Variants in NTRK2 observed in about 807,000 individuals in gnomAD.
The protein encoded by NTRK2 is BDNF/NT-3 growth factors receptor.
In NTRK2, 13 loss-of-function variants were observed where a neutral mutation model predicts 94.5. The ratio of observed to expected loss-of-function variants is 0.14; its 90% confidence interval spans 0.09 to 0.22. The LOEUF is 0.22. Ranked by LOEUF, NTRK2 falls within the 10% of genes least tolerant of loss-of-function variation. NTRK2 has a pLI of 1.00. For missense variants in NTRK2, 639 were observed against 1,071.2 expected (o/e 0.60, Z 5.63); for synonymous variants, 372 against 407.4 (o/e 0.91, Z 1.05).
At chr9:84,933,107 T>C (rs2078095899) in intron 14 of NTRK2, among the ~76,000 whole-genome samples, 1 of 152,162 alleles carries the variant, frequency 6.6e-6, no homozygotes, top group African/African-American at 2.4e-5. Context: ...GAGAATATAG[T>C]TGGCCACACA....
At chr9:84,990,979 G>A (rs1364571723) in intron 17 of NTRK2, among the ~76,000 whole-genome samples, 2 of 151,994 alleles carry the variant, frequency 1.3e-5, no homozygotes, top group Non-Finnish European at 1.5e-5. Flanking sequence ...CTGTTGGCCC[G>A]GCATCTTTCC....
intron 14 of NTRK2, among the ~76,000 whole-genome samples, chr9:84,884,286 C>G (rs1197332653): frequency 6.6e-6 from 1 of 152,150 alleles, no homozygotes; most frequent in Non-Finnish European, 1.5e-5. Flanking sequence ...ATAATATAAC[C>G]TGCTCTTATA....
intron 14 of NTRK2, among the ~76,000 whole-genome samples, chr9:84,904,075 T>C (rs1281043218): frequency 3.9e-5 from 6 of 152,226 alleles, no homozygotes; most frequent in Non-Finnish European, 7.3e-5. Flanking sequence ...GATTATTTTT[T>C]CCTACCCTGT....
chr9:85,021,314 G>T lies in NTRK2; in HGVS notation c.2394G>T (p.Val798=). The part of the protein sequence containing the change: ...LQRPRTCPQE[V]YELMLGCWQR... ...GACCCCGCACGTGCCCCCAGGAGGT[G>T]TATGAGCTGATGCTGGGGTGCTGGC... The change falls in exon 19 of 19, where the codon GTG becomes GTT. Residue 798 remains valine, a synonymous_variant. Transcript: ENST00000277120. The T allele has an allele frequency of 1.2e-6, 2 of 1,614,172 alleles. No individual in the cohort carries two copies. Among genetic ancestry groups the T allele is most frequent in the South Asian group, 2.2e-5 (2 of 91,078 alleles).
chr9:84,990,921 A>T (rs563905044), intron 17 of NTRK2, among the ~76,000 whole-genome samples: 1 of 151,844 alleles, frequency 6.6e-6, no homozygotes, highest in East Asian at 1.9e-4. Flanking sequence ...TGTCAATTGC[A>T]TTTTTGTCCT....
chr9:84,825,471 C>T (rs1024041155), intron 12 of NTRK2, among the ~76,000 whole-genome samples: 1 of 152,174 alleles, frequency 6.6e-6, no homozygotes, highest in African/African-American at 2.4e-5. Flanking sequence ...GTTTGACCCT[C>T]TTCCTCCCAC....
At chr9:84,937,406 C>T (rs1466806792) in intron 15 of NTRK2, among the ~76,000 whole-genome samples, 3 of 152,142 alleles carry the variant, frequency 2.0e-5, no homozygotes, top group South Asian at 2.1e-4. Context: ...TAAGGCTTTA[C>T]GTTCAGATTG....
chr9:84,669,985 C>T lies in NTRK2; in HGVS notation c.-373+97C>T, dbSNP rs2058598152. 1 of 154,256 alleles carries T rather than the reference C, an allele frequency of 6.5e-6. No individual in the cohort carries two copies. The highest frequency in any genetic ancestry group is 1.4e-5 in the Non-Finnish European group (1 of 69,200). The allele number at this position is 154,256 out of a possible 1,614,324, so 9.6% of individuals were successfully genotyped here. A position where few individuals can be genotyped will look rare whatever the true frequency, so the allele number is the denominator to read the frequency against. On this transcript the variant is annotated intron_variant, in intron 1 of 18. Coordinates refer to ENST00000277120, the MANE Select transcript of NTRK2 (RefSeq NM_006180.6). The surrounding 1 kb of genome is among the most constrained non-coding windows in gnomAD (Gnocchi z 4.1). Reference sequence around the variant, plus strand: ...CCCCAGGTGGGACGTGCCGCGCCACCTGCCCGCGCCACCGGCACCCAGCGG... The same window carrying T: ...CCCCAGGTGGGACGTGCCGCGCCACTTGCCCGCGCCACCGGCACCCAGCGG...
intron 17 of NTRK2, among the ~76,000 whole-genome samples, chr9:84,964,147 G>A (rs1825279576): frequency 6.6e-6 from 1 of 152,202 alleles, no homozygotes; most frequent in Non-Finnish European, 1.5e-5. Flanking sequence ...GCCAGACATT[G>A]TGAATTTCAC....
intron 12 of NTRK2, among the ~76,000 whole-genome samples, chr9:84,772,433 A>T (rs1307127237): frequency 6.6e-6 from 1 of 152,110 alleles, no homozygotes; most frequent in Admixed American, 6.5e-5. Context: ...TTTTTAGTAG[A>T]GGCAGGGTTT....
intron 14 of NTRK2, among the ~76,000 whole-genome samples, chr9:84,902,451 G>C (rs1246457721): frequency 6.6e-6 from 1 of 152,152 alleles, no homozygotes; most frequent in Non-Finnish European, 1.5e-5. Flanking sequence ...AAAATCTTTA[G>C]AATCGGGTGC....
chr9:84,707,891 G>T lies in NTRK2; in HGVS notation c.407G>T (p.Arg136Leu), dbSNP rs144037140. 3 of 1,612,290 alleles carry T rather than the reference G, an allele frequency of 1.9e-6. No individual in the cohort carries two copies. Among genetic ancestry groups the T allele is most frequent in the Non-Finnish European group, 2.5e-6 (3 of 1,178,990 alleles). Residue 136 changes from arginine to leucine, a missense_variant, in exon 5 of 19, where the codon CGT becomes CTT. Physicochemically the swap from Arg to Leu is moderately radical, Grantham distance 102. Coordinates refer to ENST00000277120, the MANE Select transcript of NTRK2 (RefSeq NM_006180.6). ...ACGAGTTTGTCTAGGAAACATTTCC[G>T]TCACCTTGACTTGTCTGAACTGTAA... ...KLTSLSRKHF[R>L]HLDLSELILV...
intron 17 of NTRK2, among the ~76,000 whole-genome samples, chr9:84,965,549 C>T (rs138180315): frequency 1.5e-3 from 227 of 152,182 alleles, no homozygotes; most frequent in African/African-American, 5.3e-3. Flanking sequence ...TGTTGTTAAC[C>T]GCAAAGACTA....
intron 12 of NTRK2, among the ~76,000 whole-genome samples, chr9:84,854,329 T>C (rs2074950582): frequency 6.6e-6 from 1 of 152,144 alleles, no homozygotes. Context: ...CCTACCTCTT[T>C]TTGTTTCACT....
intron 12 of NTRK2, among the ~76,000 whole-genome samples, chr9:84,775,831 G>T (rs1419736871): frequency 1.3e-5 from 2 of 152,120 alleles, no homozygotes; most frequent in Admixed American, 6.5e-5. Context: ...CAGATCTGGG[G>T]CCTCATCCCA....
chr9:84,686,429 T>C (rs1472043259), intron 2 of NTRK2, among the ~76,000 whole-genome samples: 1 of 152,206 alleles, frequency 6.6e-6, no homozygotes, highest in Non-Finnish European at 1.5e-5. Flanking sequence ...ATAGGTCTAA[T>C]GAGAAAGATT....
intron 14 of NTRK2, chr9:84,877,798 T>C (rs1587796944): frequency 2.9e-6 from 3 of 1,050,494 alleles, no homozygotes; most frequent in Non-Finnish European, 3.4e-6. Context: ...TCTTTATCTA[T>C]ATGATCTGTC....
chr9:85,000,206 G>C (rs182930532), intron 17 of NTRK2, among the ~76,000 whole-genome samples: 1 of 152,066 alleles, frequency 6.6e-6, no homozygotes, highest in Non-Finnish European at 1.5e-5. Flanking sequence ...GCACCAGAGC[G>C]GTGCATTTGT....
At chr9:84,795,958 CTTT>C (rs970690802) in intron 12 of NTRK2, among the ~76,000 whole-genome samples, 3 of 140,406 alleles carry the variant, frequency 2.1e-5, no homozygotes, top group Non-Finnish European at 1.6e-5. Context: ...GATTACTTTT[CTTT>C]TTTTTTTTTT....
Sources: gnomAD v4.1 joint callset for allele counts (sites outside exome capture counted in the v4.1 genomes callset) on GRCh38, gnomAD v4.1.1 for gene constraint, Gnocchi (gnomAD v3.1) non-coding constraint, MANE v1.5 for transcripts, NCBI Gene and HGNC (gene_info 2026-07-23, HGNC 2026-07-21) for gene names.